CNTN5: variants seen among roughly 807,000 people sequenced by gnomAD.
CNTN5 encodes the protein contactin-5.
In CNTN5, 77 loss-of-function variants were observed where a neutral mutation model predicts 129.1. That is an observed-to-expected ratio of 0.60 (90% confidence interval 0.50 to 0.72). The LOEUF (loss-of-function observed/expected upper bound fraction) is 0.72, where lower values mean the gene tolerates loss of function less well. Ranked by LOEUF, CNTN5 falls within the 30% of genes least tolerant of loss-of-function variation. CNTN5 has a pLI of 0.00. For synonymous variants in CNTN5, 509 were observed against 465.6 expected, an observed-to-expected ratio of 1.09 and a Z score of -1.20; for missense variants, 1,478 against 1,328.8, an observed-to-expected ratio of 1.11 and a Z score of -1.75.
intron 4 of CNTN5, among the ~76,000 whole-genome samples, chr11:99,821,111 T>G (rs924200548): frequency 7.9e-5 from 12 of 152,338 alleles, no homozygotes; most frequent in African/African-American, 2.9e-4. Context: ...CATATTTTCT[T>G]TAGGCATTAT....
At chr11:100,275,244 C>T (rs1379367715) in intron 18 of CNTN5, among the ~76,000 whole-genome samples, 3 of 152,080 alleles carry the variant, frequency 2.0e-5, no homozygotes, top group Admixed American at 6.5e-5. Context: ...ACATTAATTG[C>T]CTGGTTAGAT....
chr11:99,641,790 G>C (rs1690811), intron 3 of CNTN5, among the ~76,000 whole-genome samples: 91,156 of 151,694 alleles, frequency 0.6, 28,197 homozygotes, highest in Admixed American at 0.69. Flanking sequence ...CCCTCCCTTT[G>C]CCTATCTCCC....
chr11:100,220,481 G>A (rs943611026), intron 15 of CNTN5, among the ~76,000 whole-genome samples: 1 of 151,962 alleles, frequency 6.6e-6, no homozygotes, highest in Non-Finnish European at 1.5e-5. Flanking sequence ...TCTACAATAA[G>A]ACAGAAAGGA....
At chr11:99,820,496 G>A (rs184126685) in intron 4 of CNTN5, among the ~76,000 whole-genome samples, 156 of 152,298 alleles carry the variant, frequency 1.0e-3, no homozygotes, top group African/African-American at 3.7e-3. Context: ...ACAGCTATTG[G>A]CTTTATAGTT....
intron 18 of CNTN5, among the ~76,000 whole-genome samples, chr11:100,286,352 C>A (rs1396868290): frequency 2.0e-5 from 3 of 151,824 alleles, no homozygotes; most frequent in East Asian, 1.9e-4. Context: ...ACTTAAATGT[C>A]CCTGTCTGAC....
At chr11:99,371,763 T>A (rs1007576152) in intron 2 of CNTN5, among the ~76,000 whole-genome samples, 1 of 152,220 alleles carries the variant, frequency 6.6e-6, no homozygotes, top group African/African-American at 2.4e-5. Flanking sequence ...GGTTTTAGTT[T>A]ACATACATTT....
At chr11:99,305,456 A>G (rs1388762791) in intron 1 of CNTN5, among the ~76,000 whole-genome samples, 1 of 152,196 alleles carries the variant, frequency 6.6e-6, no homozygotes, top group African/African-American at 2.4e-5. Context: ...AAATGTATCA[A>G]AATAAGGAAT....
intron 3 of CNTN5, among the ~76,000 whole-genome samples, chr11:99,579,152 A>G (rs1949477457): frequency 6.6e-6 from 1 of 152,020 alleles, no homozygotes; most frequent in South Asian, 2.1e-4. Context: ...GATATGCGGC[A>G]TTATTTCTGA....
chr11:100,159,105 C>T (rs1463460401), intron 13 of CNTN5, among the ~76,000 whole-genome samples: 1 of 151,464 alleles, frequency 6.6e-6, no homozygotes, highest in African/African-American at 2.4e-5. Flanking sequence ...ACCTAAAGCT[C>T]AAAAACAGGC....
intron 9 of CNTN5, among the ~76,000 whole-genome samples, chr11:100,026,316 C>G (rs1397922873): frequency 1.3e-5 from 2 of 151,926 alleles, no homozygotes; most frequent in Admixed American, 6.6e-5. Context: ...TGAAACCTCC[C>G]CAGCTTTGAG....
chr11:99,130,104 A>G (rs1479390869), intron 1 of CNTN5, among the ~76,000 whole-genome samples: 1 of 150,944 alleles, frequency 6.6e-6, no homozygotes, highest in African/African-American at 2.4e-5. Flanking sequence ...ATCAAATTCA[A>G]AGGTAACAAT....
chr11:100,115,995 GGATCTGTCT>G (rs1243650440), intron 13 of CNTN5, among the ~76,000 whole-genome samples: 4 of 151,974 alleles, frequency 2.6e-5, no homozygotes, highest in Admixed American at 1.3e-4. Flanking sequence ...TTTGTTGGAT[GGATCTGTCT>G]GAAGCCATTA....
rs954831387 is a variant in CNTN5 at position 100,283,672 on chromosome 11, G to A, written c.2314+12431G>A. On this transcript the variant is annotated intron_variant, in intron 18 of 24. Transcript: ENST00000524871. ...TTTAAATATTCCCTCCGGGCCGGGC[G>A]CTGTGGCTCACACCTGTAATCCCAG... 5.9e-5 allele frequency among the ~76,000 whole-genome samples: 9 copies of A among 152,162 alleles called. No individual in the cohort carries two copies. In the East Asian group the frequency reaches 1.7e-3, roughly 29 times the overall value.
intron 3 of CNTN5, among the ~76,000 whole-genome samples, chr11:99,815,356 A>G (rs1456086599): frequency 6.6e-6 from 1 of 152,120 alleles, no homozygotes; most frequent in Non-Finnish European, 1.5e-5. Flanking sequence ...AATCCTCAGA[A>G]CTAAGACTGA....
At chr11:100,001,643 TATAG>T (rs1414958554) in intron 8 of CNTN5, among the ~76,000 whole-genome samples, 1 of 152,230 alleles carries the variant, frequency 6.6e-6, no homozygotes, top group African/African-American at 2.4e-5. Flanking sequence ...CCGTGCATAT[TATAG>T]ATATTCAATA....
chr11:99,661,742 G>T (rs190585579), intron 3 of CNTN5, among the ~76,000 whole-genome samples: 2 of 151,920 alleles, frequency 1.3e-5, no homozygotes. Context: ...ATGTATCAAA[G>T]ATTATTAAAA....
At chr11:99,519,611 A>G (rs1947195074) in intron 2 of CNTN5, among the ~76,000 whole-genome samples, 1 of 152,096 alleles carries the variant, frequency 6.6e-6, no homozygotes. Context: ...ACATGTTCAC[A>G]GTATTATTTC....
At chr11:99,785,323 G>A (rs1228817766) in intron 3 of CNTN5, among the ~76,000 whole-genome samples, 2 of 151,988 alleles carry the variant, frequency 1.3e-5, no homozygotes, top group African/African-American at 4.8e-5. Flanking sequence ...TGGATAGATA[G>A]CAAAAATTTT....
At chr11:99,085,732 A>G (rs1294802355) in intron 1 of CNTN5, among the ~76,000 whole-genome samples, 1 of 152,190 alleles carries the variant, frequency 6.6e-6, no homozygotes, top group East Asian at 1.9e-4. Flanking sequence ...GAATTATTTA[A>G]TGTAAACACA....
Sources: allele counts gnomAD v4.1 joint callset (sites outside exome capture counted in the v4.1 genomes callset), GRCh38; gene constraint gnomAD v4.1.1; transcripts MANE v1.5; gene names NCBI Gene and HGNC (gene_info 2026-07-23, HGNC 2026-07-21).